Variants in LCLAT1 observed in about 807,000 individuals in gnomAD.
LCLAT1 encodes lysocardiolipin acyltransferase 1.
In LCLAT1, 11 loss-of-function variants were observed where a neutral mutation model predicts 30.7. The ratio of observed to expected loss-of-function variants is 0.36; its 90% CI spans 0.23 to 0.59. The LOEUF (loss-of-function observed/expected upper bound fraction) is 0.59, where lower values mean the gene tolerates loss of function less well. Among genes scored for constraint, LCLAT1 ranks in the 20% least tolerant of loss-of-function variants. The pLI is 0.77. For missense variants in LCLAT1, 402 were observed against 458.6 expected, an observed-to-expected ratio of 0.88 and a Z score of 1.13; for synonymous variants, 155 against 151.3, an observed-to-expected ratio of 1.02 and a Z score of -0.18.
intron 5 of LCLAT1, among the ~76,000 whole-genome samples, chr2:30,580,352 G>A (rs973021407): frequency 2.0e-5 from 3 of 152,140 alleles, no homozygotes; most frequent in Non-Finnish European, 4.4e-5. Flanking sequence ...GGTATCAGCG[G>A]TTTATCTGGA....
chr2:30,524,603 A>G (rs1023850888), intron 1 of LCLAT1, among the ~76,000 whole-genome samples: 4 of 152,330 alleles, frequency 2.6e-5, no homozygotes, highest in East Asian at 3.9e-4. Flanking sequence ...CTCTCGTCGC[A>G]TCCAGGACGT....
chr2:30,546,447 C>G (rs1664415762), intron 3 of LCLAT1, among the ~76,000 whole-genome samples: 1 of 152,030 alleles, frequency 6.6e-6, no homozygotes, highest in African/African-American at 2.4e-5. Flanking sequence ...TTTTAGTACA[C>G]TATAGGAACA....
Position 30,641,903 on chromosome 2 carries a change from T to TTTC in LCLAT1, c.*1286_*1287insCTT, listed in dbSNP as rs1558577237. ...AGCTGCACACTTTTTTTTCTTTTTT[T>TTTC]TTTTCTTTTTTTTTTTGTCGTGTAA... On this transcript the variant is annotated 3_prime_UTR_variant, in exon 6 of 6. Coordinates refer to ENST00000379509, the MANE Select transcript of LCLAT1 (RefSeq NM_001002257.3). 4.6e-5 allele frequency: 4 copies of TTTC among 86,512 alleles called. No homozygotes were observed. Among genetic ancestry groups the TTTC allele is most frequent in the Non-Finnish European group, 7.2e-5 (3 of 41,758 alleles). 5.4% of individuals were successfully genotyped at this position (86,512 alleles called of 1,614,324 possible). A position where few individuals can be genotyped will look rare whatever the true frequency, so the allele number is the denominator to read the frequency against.
chr2:30,509,175 C>G (rs1401905178), intron 1 of LCLAT1, among the ~76,000 whole-genome samples: 1 of 152,136 alleles, frequency 6.6e-6, no homozygotes. Context: ...TGGGCCAAGA[C>G]TTTGGGTTTT....
At chr2:30,459,590 G>A in intron 1 of LCLAT1, 1 of 1,523,032 alleles carries the variant, frequency 6.6e-7, no homozygotes. Context: ...TGGGAAGCTG[G>A]CAACAAATGG....
chr2:30,501,277 C>T (rs1684373588), intron 1 of LCLAT1, among the ~76,000 whole-genome samples: 1 of 152,170 alleles, frequency 6.6e-6, no homozygotes, highest in South Asian at 2.1e-4. Context: ...CTGCAAGCAG[C>T]AGGGACCTAG....
chr2:30,584,547 G>T (rs375574383), intron 5 of LCLAT1, among the ~76,000 whole-genome samples: 17 of 152,248 alleles, frequency 1.1e-4, no homozygotes, highest in African/African-American at 2.9e-4. Context: ...ATGGTGTATG[G>T]CCACACTCTG....
At chr2:30,482,385 C>T (rs1474864764) in intron 1 of LCLAT1, among the ~76,000 whole-genome samples, 1 of 151,890 alleles carries the variant, frequency 6.6e-6, no homozygotes, top group Non-Finnish European at 1.5e-5. Flanking sequence ...AGCACTCCTG[C>T]CATTAAATGA....
intron 5 of LCLAT1, among the ~76,000 whole-genome samples, chr2:30,592,446 C>CA (rs1666738490): frequency 6.6e-6 from 1 of 151,974 alleles, no homozygotes; most frequent in South Asian, 2.1e-4. Context: ...ATTGCACCAC[C>CA]ATACTCCAGC....
chr2:30,534,646 A>G (rs976907768), intron 3 of LCLAT1, among the ~76,000 whole-genome samples: 3 of 152,146 alleles, frequency 2.0e-5, no homozygotes, highest in African/African-American at 4.8e-5. Context: ...CAATATAGTG[A>G]TCTCAGATTT....
At chr2:30,636,944 T>G (rs1044952729) in intron 5 of LCLAT1, among the ~76,000 whole-genome samples, 1 of 152,136 alleles carries the variant, frequency 6.6e-6, no homozygotes, top group Non-Finnish European at 1.5e-5. Context: ...TCAAGGCTGT[T>G]GTGAAAGGTG....
chr2:30,508,899 G>A (rs1404523148), intron 1 of LCLAT1, among the ~76,000 whole-genome samples: 2 of 152,146 alleles, frequency 1.3e-5, no homozygotes, highest in Non-Finnish European at 2.9e-5. Context: ...CTATCCATGA[G>A]CATGAAATGT....
rs988144582 is a variant in LCLAT1, at chr2:30,640,745, G to A, written c.*126G>A. ...CTTACTGCCATCATTATTTGTTAAA[G>A]ATATTTTGCACTTAATTTTGTGGGA... On this transcript the variant is annotated 3_prime_UTR_variant, in exon 6 of 6. Transcript: ENST00000379509. 7.6e-5 allele frequency: 92 copies of A among 1,204,332 alleles called. No individual in the cohort carries two copies. The highest frequency in any genetic ancestry group is 1.0e-4 in the Non-Finnish European group (91 of 880,092). The allele number at this position is 1,204,332 out of a possible 1,614,324, so 74.6% of individuals were successfully genotyped here.
chr2:30,543,574 G>A (rs2148413229), intron 3 of LCLAT1, among the ~76,000 whole-genome samples: 1 of 151,638 alleles, frequency 6.6e-6, no homozygotes, highest in Middle Eastern at 3.4e-3. Flanking sequence ...TTTTTTAGTG[G>A]GTGTCTTTTT....
intron 3 of LCLAT1, among the ~76,000 whole-genome samples, chr2:30,549,499 G>A (rs186084622): frequency 6.6e-6 from 1 of 152,262 alleles, no homozygotes; most frequent in East Asian, 1.9e-4. Context: ...GAATTTGGAG[G>A]GAGCTTTAGG....
At chr2:30,566,764 A>G (rs564245547) in intron 4 of LCLAT1, among the ~76,000 whole-genome samples, 3 of 152,308 alleles carry the variant, frequency 2.0e-5, no homozygotes, top group South Asian at 4.1e-4. Flanking sequence ...TGAACACTTT[A>G]CTTTTTCCAA....
chr2:30,514,584 C>T (rs1481722344), intron 1 of LCLAT1, among the ~76,000 whole-genome samples: 1 of 152,150 alleles, frequency 6.6e-6, no homozygotes, highest in Non-Finnish European at 1.5e-5. Flanking sequence ...ATTCGGTGGT[C>T]AAAAGGTAGC....
chr2:30,607,397 A>G (rs1174874509), intron 5 of LCLAT1: 1 of 152,110 alleles, frequency 6.6e-6, no homozygotes, highest in Non-Finnish European at 1.5e-5. Flanking sequence ...TGGGATATAC[A>G]GTCATGCAAC....
At chr2:30,474,649 CT>C (rs10654986) in intron 1 of LCLAT1, among the ~76,000 whole-genome samples, 18,218 of 143,792 alleles carry the variant, frequency 0.13, 1,125 homozygotes, top group South Asian at 0.22. Flanking sequence ...AATAATTTAA[CT>C]TTTTTTTTTT....
Sources: gnomAD v4.1 joint callset for allele counts (sites outside exome capture counted in the v4.1 genomes callset) on GRCh38, gnomAD v4.1.1 for gene constraint, MANE v1.5 for transcripts, NCBI Gene and HGNC (gene_info 2026-07-23, HGNC 2026-07-21) for gene names.